The following PPP1R21 variants were observed in gnomAD, a reference collection of about 807,000 sequenced individuals.
PPP1R21 encodes the protein protein phosphatase 1 regulatory subunit 21, also known as KLRAQ motif containing 1.
A neutral mutation model predicts 112.8 loss-of-function variants in PPP1R21; 85 were observed. The ratio of observed to expected loss-of-function variants is 0.75; its 90% CI spans 0.63 to 0.90. The LOEUF (loss-of-function observed/expected upper bound fraction) is 0.90, where lower values mean the gene tolerates loss of function less well. Among genes scored for constraint, PPP1R21 ranks in the 40% least tolerant of loss-of-function variants. The probability of loss-of-function intolerance (pLI) is 0.00; values close to 1 mark genes in which losing one functional copy is unlikely to be tolerated. For missense variants in PPP1R21, 1,199 were observed against 901.5 expected (o/e 1.33, Z -4.23); for synonymous variants, 381 against 322.3 (o/e 1.18, Z -1.95).
chr2:48,444,538 C>T (rs892508214), intron 1 of PPP1R21, among the ~76,000 whole-genome samples: 5 of 152,176 alleles, frequency 3.3e-5, no homozygotes, highest in African/African-American at 9.7e-5. Context: ...GCTTTCTTTG[C>T]GGGAGCACTC....
chr2:48,507,332 C>G lies in PPP1R21; in HGVS notation c.2032C>G (p.Leu678Val). 6.3e-7 allele frequency: 1 copy of G among 1,595,770 alleles called. No homozygotes were observed. Among genetic ancestry groups the G allele is most frequent in the Non-Finnish European group, 8.5e-7 (1 of 1,174,064 alleles). ...TCACTACATGGCAAGGATAGTGGAA[C>G]TTACGTCTCAGTTGCAGCTGGCTGA... ...KNHYMARIVE[L>V]TSQLQLADSK... Residue 678 changes from leucine (L) to valine (V), a missense_variant, in exon 19 of 22, where the codon CTT (leucine) becomes GTT (valine). Physicochemically the swap from Leu to Val is conservative, Grantham distance 32 (BLOSUM62 1). Transcript: ENST00000294952.
In PPP1R21 at chr2:48,498,710, T is replaced by TG; in HGVS notation, c.1912dup (p.Glu638GlyfsTer17). On this transcript the variant is annotated frameshift_variant, in exon 17 of 22. Coordinates refer to ENST00000294952, the MANE Select transcript of PPP1R21 (RefSeq NM_001135629.3). LOFTEE classifies it high-confidence loss of function. ...GATGAAGCCACAGCTAAGGCTGTGT[T>TG]GGAGCCCATTCAGAGCACCAGTCTA... 1 of 1,614,244 alleles carries TG rather than the reference T, an allele frequency of 6.2e-7. No homozygotes were observed. Among genetic ancestry groups the TG allele is most frequent in the Non-Finnish European group, 8.5e-7 (1 of 1,180,036 alleles).
At chr2:48,460,910 G>A (rs571344023) in intron 6 of PPP1R21, among the ~76,000 whole-genome samples, 2 of 152,316 alleles carry the variant, frequency 1.3e-5, no homozygotes, top group East Asian at 3.9e-4. Flanking sequence ...CTCGTACCAT[G>A]ATAAATTCCT....
chr2:48,481,679 C>G (rs1271847350), intron 13 of PPP1R21, among the ~76,000 whole-genome samples: 2 of 152,070 alleles, frequency 1.3e-5, no homozygotes, highest in African/African-American at 4.8e-5. Flanking sequence ...GAATTTGAGA[C>G]TAGCCTGGGC....
Position 48,464,929 on chromosome 2 carries a change from T to G in PPP1R21, c.695-8T>G, listed in dbSNP as rs1292943183. Reference sequence around the variant, plus strand: ...AGAGACTTAATGTACATTATTTTTCTTCTGTAGAATATAGTCAGTACAACG... The same window carrying G: ...AGAGACTTAATGTACATTATTTTTCGTCTGTAGAATATAGTCAGTACAACG... On this transcript the variant is annotated splice_polypyrimidine_tract_variant and splice_region_variant and intron_variant, in intron 7 of 21. Coordinates refer to ENST00000294952, the MANE Select transcript of PPP1R21 (RefSeq NM_001135629.3). 3.2e-6 allele frequency: 5 copies of G among 1,561,390 alleles called. No homozygotes were observed. Among genetic ancestry groups the G allele is most frequent in the Non-Finnish European group, 3.4e-6 (4 of 1,161,322 alleles).
At chr2:48,485,258 G>T (rs1462497411) in intron 13 of PPP1R21, among the ~76,000 whole-genome samples, 9 of 151,676 alleles carry the variant, frequency 5.9e-5, no homozygotes, top group Non-Finnish European at 1.2e-4. Context: ...TACACAATAT[G>T]CCCGCATAAC....
intron 15 of PPP1R21, among the ~76,000 whole-genome samples, chr2:48,494,798 A>G (rs1280860636): frequency 2.6e-5 from 4 of 152,062 alleles, no homozygotes; most frequent in African/African-American, 9.7e-5. Flanking sequence ...GCTCACTGCA[A>G]CCTCTGCCTT....
At chr2:48,453,051 T>C (rs1667551777) in intron 2 of PPP1R21, among the ~76,000 whole-genome samples, 1 of 152,066 alleles carries the variant, frequency 6.6e-6, no homozygotes, top group Non-Finnish European at 1.5e-5. Context: ...CCTCCCTGGT[T>C]TGAGTGATTC....
intron 12 of PPP1R21, among the ~76,000 whole-genome samples, chr2:48,477,944 A>T (rs1668831926): frequency 6.6e-6 from 1 of 152,200 alleles, no homozygotes. Context: ...GTCATACTGG[A>T]TTAAAGAGAG....
At chr2:48,497,691 G>T (rs955600992) in intron 16 of PPP1R21, among the ~76,000 whole-genome samples, 1 of 139,484 alleles carries the variant, frequency 7.2e-6, no homozygotes. Flanking sequence ...TTACTCTGTC[G>T]CCCAGGCTGG....
At chr2:48,474,845 C>G (rs1303954134) in intron 12 of PPP1R21, 26 bp downstream of exon 12, 3 of 1,602,692 alleles carry the variant, frequency 1.9e-6, no homozygotes, top group East Asian at 2.2e-5. Context: ...GCTTAGGGGT[C>G]AACTTCAAGG....
At chr2:48,492,677 T>C (rs923061664) in intron 15 of PPP1R21, among the ~76,000 whole-genome samples, 1 of 152,212 alleles carries the variant, frequency 6.6e-6, no homozygotes, top group Non-Finnish European at 1.5e-5. Context: ...TAATAGTAGT[T>C]GCTAGTTGTC....
In PPP1R21 at chr2:48,454,730, A is replaced by G. The variant is rs151246836; in HGVS notation, c.262A>G (p.Lys88Glu). Reference protein sequence around the residue: ...DELALSEPRGKKNKKSGESSS... With the variant: ...DELALSEPRGEKNKKSGESSS... ...ACTAGCTCTAAGTGAACCACGAGGC[A>G]AGAAAAACAAGGTAGGTTCAAATAC... Residue 88 changes from lysine (K) to glutamate (E), a missense_variant, in exon 3 of 22, where the codon AAG (lysine) becomes GAG (glutamate). Coordinates refer to ENST00000294952, the MANE Select transcript of PPP1R21 (RefSeq NM_001135629.3). The G allele has an allele frequency of 1.4e-4, 232 of 1,613,768 alleles. No individual in the cohort carries two copies. The highest frequency in any genetic ancestry group is 2.2e-4 in the Admixed American group (13 of 59,996).
rs1401562423 is a variant in PPP1R21 at position 48,465,658 on chromosome 2, G to T, written c.897+16G>T. Reference sequence around the variant, plus strand: ...GAATCAGAAGGTAAATTTAATTCAGGATACATTTTGTTTGCCCTGAACAAA... The same window carrying T: ...GAATCAGAAGGTAAATTTAATTCAGTATACATTTTGTTTGCCCTGAACAAA... On this transcript the variant is annotated intron_variant, in intron 9 of 21. Transcript: ENST00000294952. 3 of 1,607,298 alleles carry T rather than the reference G, an allele frequency of 1.9e-6. No individual in the cohort carries two copies. The highest frequency in any genetic ancestry group is 2.5e-6 in the Non-Finnish European group (3 of 1,177,438).
chr2:48,460,724 A>ATTATCAGCTTTT (rs58204101), intron 6 of PPP1R21, among the ~76,000 whole-genome samples: 3,107 of 152,218 alleles, frequency 0.02, 92 homozygotes, highest in African/African-American at 0.068. Context: ...AAACACAGAA[A>ATTATCAGCTTTT]GAGTTCAAGG....
intron 17 of PPP1R21, among the ~76,000 whole-genome samples, chr2:48,500,960 C>T (rs1446023332): frequency 6.6e-6 from 1 of 152,066 alleles, no homozygotes; most frequent in African/African-American, 2.4e-5. Context: ...AGTTTGTTGA[C>T]CATGAATGTT....
At chr2:48,490,973 T>A in intron 14 of PPP1R21, 45 bp from the exon 15 acceptor site, 1 of 1,547,128 alleles carries the variant, frequency 6.5e-7, no homozygotes, top group East Asian at 2.2e-5. Flanking sequence ...ATTTTAGATA[T>A]ATTGTTGGAA....
At chr2:48,461,526 A>T (rs1667979734) in intron 7 of PPP1R21, among the ~76,000 whole-genome samples, 1 of 152,212 alleles carries the variant, frequency 6.6e-6, no homozygotes, top group Non-Finnish European at 1.5e-5. Context: ...AAATAGTTGA[A>T]TATTTGTACA....
chr2:48,505,604 G>A lies in PPP1R21; in HGVS notation c.1968+8G>A, dbSNP rs369042288. On this transcript the variant is annotated splice_region_variant and intron_variant, in intron 18 of 21. Coordinates refer to ENST00000294952, the MANE Select transcript of PPP1R21 (RefSeq NM_001135629.3). ...AGGACATCTGACAGTGAGGTAACATGTGCTTGTCATCATGTTGTTTGTTAG... is the reference window on the plus strand; with the variant it reads ...AGGACATCTGACAGTGAGGTAACATATGCTTGTCATCATGTTGTTTGTTAG... The A allele has an allele frequency of 3.0e-5, 47 of 1,547,972 alleles. 1 individual carries two copies. Among genetic ancestry groups the A allele is most frequent in the East Asian group, 1.5e-4 (6 of 40,912 alleles).
Sources: allele counts gnomAD v4.1 joint callset (sites outside exome capture counted in the v4.1 genomes callset), GRCh38; gene constraint gnomAD v4.1.1; transcripts MANE v1.5; gene names NCBI Gene and HGNC (gene_info 2026-07-23, HGNC 2026-07-21).